DDR2: variants seen among roughly 807,000 people sequenced by gnomAD.
DDR2 encodes the protein discoidin domain receptor tyrosine kinase 2, also known as discoidin domain-containing receptor 2.
In DDR2, 27 loss-of-function variants were observed where a neutral mutation model predicts 94.9. That is an observed-to-expected ratio of 0.28 (90% CI 0.21 to 0.39). The LOEUF is 0.39. Ranked by LOEUF, DDR2 falls within the 10% of genes least tolerant of loss-of-function variation. The probability of loss-of-function intolerance (pLI) is 1.00; values close to 1 mark genes in which losing one functional copy is unlikely to be tolerated. For synonymous variants in DDR2, 382 were observed against 377.2 expected (o/e 1.01, Z -0.15); for missense variants, 783 against 1,076.0 (o/e 0.73, Z 3.81).
At chr1:162,736,368 A>C (rs1662297750) in intron 3 of DDR2, among the ~76,000 whole-genome samples, 1 of 152,222 alleles carries the variant, frequency 6.6e-6, no homozygotes, top group African/African-American at 2.4e-5. Context: ...CACATGGTAT[A>C]AGTGGTAGAA....
intron 1 of DDR2, among the ~76,000 whole-genome samples, chr1:162,654,456 C>T (rs1175957882): frequency 6.6e-6 from 1 of 152,124 alleles, no homozygotes; most frequent in Non-Finnish European, 1.5e-5. Context: ...AAGAATACAA[C>T]AGCAAACAAA....
In DDR2 at chr1:162,784,003, A is replaced by G. The variant is rs546087960; in HGVS notation, c.*3757A>G. The stretch of plus-strand genomic sequence containing the variant: ...TCTGCCAATAAAGTTCATTTTCAAT[A>G]ATGTCCACCATTGCTGTGCCCAGAA... On this transcript the variant is annotated 3_prime_UTR_variant, in exon 18 of 18. Transcript: ENST00000367921. The G allele has an allele frequency of 6.6e-6, 1 of 152,352 alleles. No homozygotes were observed. The highest frequency in any genetic ancestry group is 1.9e-4 in the East Asian group (1 of 5,194). The allele number at this position is 152,352 out of a possible 1,614,324, so 9.4% of individuals were successfully genotyped here.
chr1:162,673,456 G>T (rs1571178396), intron 2 of DDR2, among the ~76,000 whole-genome samples: 1 of 152,110 alleles, frequency 6.6e-6, no homozygotes, highest in Non-Finnish European at 1.5e-5. Flanking sequence ...TAATGTTAGG[G>T]CAACTCTGGC....
At chr1:162,665,765 C>T (rs190174727) in intron 2 of DDR2, among the ~76,000 whole-genome samples, 91 of 152,240 alleles carry the variant, frequency 6.0e-4, no homozygotes, top group African/African-American at 2.0e-3. Context: ...AAAGTCCAAT[C>T]TGTGATCCCC....
intron 3 of DDR2, among the ~76,000 whole-genome samples, chr1:162,746,124 G>A (rs561246940): frequency 3.9e-5 from 6 of 152,304 alleles, no homozygotes; most frequent in South Asian, 2.1e-4. Flanking sequence ...GGGACTTGTC[G>A]GAAAGTGGGT....
At chr1:162,744,357 T>C (rs1220831470) in intron 3 of DDR2, among the ~76,000 whole-genome samples, 1 of 152,176 alleles carries the variant, frequency 6.6e-6, no homozygotes, top group Non-Finnish European at 1.5e-5. Context: ...TTTGTTTCTA[T>C]GATTTAGGCC....
At chr1:162,667,205 T>A (rs1237937949) in intron 2 of DDR2, among the ~76,000 whole-genome samples, 1 of 152,202 alleles carries the variant, frequency 6.6e-6, no homozygotes, top group Non-Finnish European at 1.5e-5. Flanking sequence ...TCCTTGTACA[T>A]CTATATCTGT....
At chr1:162,721,524 G>T (rs775047549) in intron 3 of DDR2, among the ~76,000 whole-genome samples, 8 of 152,224 alleles carry the variant, frequency 5.3e-5, no homozygotes, top group Admixed American at 6.5e-5. Context: ...CAGTGATAAA[G>T]AGTCTATCAT....
chr1:162,673,598 TGTGTGTGTGTGAGAGAGAGA>T (rs879891515), intron 2 of DDR2, among the ~76,000 whole-genome samples: 2,106 of 135,316 alleles, frequency 0.016, 20 homozygotes, highest in Non-Finnish European at 0.022. Flanking sequence ...TGTGTGTATG[TGTGTGTGTGTGAGAGAGAGA>T]GAGAGAGAGA....
chr1:162,680,472 T>C (rs1659348143), intron 2 of DDR2, among the ~76,000 whole-genome samples: 1 of 152,240 alleles, frequency 6.6e-6, no homozygotes, highest in Non-Finnish European at 1.5e-5. Flanking sequence ...CTGGGCTCTC[T>C]ATTCAATTAC....
intron 2 of DDR2, among the ~76,000 whole-genome samples, chr1:162,660,184 A>G (rs530762621): frequency 6.6e-6 from 1 of 152,188 alleles, no homozygotes; most frequent in South Asian, 2.1e-4. Flanking sequence ...CTGATATCTA[A>G]TTGTCTTATA....
chr1:162,757,257 A>G (rs1219535869), intron 7 of DDR2, among the ~76,000 whole-genome samples: 2 of 152,246 alleles, frequency 1.3e-5, no homozygotes, highest in Non-Finnish European at 2.9e-5. Flanking sequence ...ATAAGTTGTT[A>G]TCTGATTATC....
chr1:162,694,543 G>A (rs1660099722), intron 2 of DDR2, among the ~76,000 whole-genome samples: 1 of 152,058 alleles, frequency 6.6e-6, no homozygotes, highest in South Asian at 2.1e-4. Context: ...CCAAGTCCCT[G>A]TGTTCTCCTA....
rs1704748 is a variant in DDR2 at position 162,782,751 on chromosome 1, A to C, written c.*2505A>C. The C allele has an allele frequency of 6.6e-3, 1,003 of 151,284 alleles. 16 individuals carry two copies. Among genetic ancestry groups the C allele is most frequent in the African/African-American group, 0.023 (930 of 41,078 alleles). 9.4% of individuals were successfully genotyped at this position (151,284 alleles called of 1,614,324 possible). ...TATTCTATGATTCCATATTTTTTTTAAAAAAAATCATATTTAAAATGAACT... is the reference window on the plus strand; with the variant it reads ...TATTCTATGATTCCATATTTTTTTTCAAAAAAATCATATTTAAAATGAACT... On this transcript the variant is annotated 3_prime_UTR_variant, in exon 18 of 18. Coordinates refer to ENST00000367921, the MANE Select transcript of DDR2 (RefSeq NM_006182.4).
intron 2 of DDR2, among the ~76,000 whole-genome samples, chr1:162,682,180 G>A (rs952260552): frequency 2.0e-5 from 3 of 152,194 alleles, no homozygotes; most frequent in South Asian, 2.1e-4. Context: ...ATCTTGGTGG[G>A]CCTCACTGGA....
intron 2 of DDR2, among the ~76,000 whole-genome samples, chr1:162,657,673 G>T (rs1042229959): frequency 6.6e-6 from 1 of 152,124 alleles, no homozygotes; most frequent in Non-Finnish European, 1.5e-5. Flanking sequence ...AAGCTGTGGG[G>T]GGCCTGTCCC....
chr1:162,668,827 G>T (rs1306974362), intron 2 of DDR2, among the ~76,000 whole-genome samples: 1 of 152,090 alleles, frequency 6.6e-6, no homozygotes, highest in African/African-American at 2.4e-5. Context: ...TGGAAATAGG[G>T]TCTTTCTTGG....
chr1:162,656,833 G>GTTTTGTTTT (rs1558008740), intron 2 of DDR2, among the ~76,000 whole-genome samples: 3 of 65,682 alleles, frequency 4.6e-5, no homozygotes, highest in Non-Finnish European at 6.0e-5. Context: ...TGCCACTGGA[G>GTTTTGTTTT]TTTTTTTTTT....
At chr1:162,704,481 A>G (rs953591306) in intron 2 of DDR2, among the ~76,000 whole-genome samples, 2 of 152,216 alleles carry the variant, frequency 1.3e-5, no homozygotes, top group Non-Finnish European at 2.9e-5. Flanking sequence ...ACTATAATAA[A>G]AAAAAGATAG....
Sources: gnomAD v4.1 joint callset for allele counts (sites outside exome capture counted in the v4.1 genomes callset) on GRCh38, gnomAD v4.1.1 for gene constraint, MANE v1.5 for transcripts, NCBI Gene and HGNC (gene_info 2026-07-23, HGNC 2026-07-21) for gene names.